Variants in ITPRID1 observed in about 807,000 individuals in gnomAD.
ITPRID1 encodes the protein ITPR interacting domain containing 1, also known as protein ITPRID1.
Under a neutral mutation model 95.4 loss-of-function variants are expected in ITPRID1, and 96 were observed. That is an observed-to-expected ratio of 1.01 (90% CI 0.85 to 1.19). The LOEUF (loss-of-function observed/expected upper bound fraction) is 1.19, where lower values mean the gene tolerates loss of function less well. ITPRID1 is among the 50% of genes most tolerant of loss of function. The probability of loss-of-function intolerance (pLI) is 0.00; values close to 1 mark genes in which losing one functional copy is unlikely to be tolerated. For missense variants in ITPRID1, 1,339 were observed against 1,252.9 expected, an observed-to-expected ratio of 1.07 and a Z score of -1.04; for synonymous variants, 510 against 453.6, an observed-to-expected ratio of 1.12 and a Z score of -1.58.
Position 31,599,487 on chromosome 7 carries a change from A to G in ITPRID1, c.1228+16296A>G, listed in dbSNP as rs73095772. On this transcript the variant is annotated intron_variant, in intron 10 of 14. Coordinates refer to ENST00000615280, the MANE Select transcript of ITPRID1 (RefSeq NM_001257967.3). ...TAAACTCAGGACTTCTACTGTATCTATGTTTCCCCTTTTAAAAAATCTGAA... is the reference window on the plus strand; with the variant it reads ...TAAACTCAGGACTTCTACTGTATCTGTGTTTCCCCTTTTAAAAAATCTGAA... Among the ~76,000 whole-genome samples, 790 of 152,320 alleles carry G rather than the reference A, an allele frequency of 5.2e-3. 3 individuals are homozygous for G. Among genetic ancestry groups the G allele is most frequent in the Non-Finnish European group, 8.3e-3 (564 of 68,024 alleles).
intron 1 of ITPRID1, among the ~76,000 whole-genome samples, chr7:31,543,040 A>G (rs1469796848): frequency 2.6e-5 from 4 of 152,046 alleles, no homozygotes; most frequent in Non-Finnish European, 5.9e-5. Context: ...TCCAGTAGTT[A>G]TGTTTTTGTT....
At chr7:31,644,906 T>G (rs563276562) in intron 12 of ITPRID1, among the ~76,000 whole-genome samples, 37 of 152,358 alleles carry the variant, frequency 2.4e-4, no homozygotes, top group African/African-American at 8.4e-4. Context: ...TAGTGCCTAC[T>G]GAGTTACCTT....
chr7:31,573,541 AC>A (rs938709138), intron 7 of ITPRID1, among the ~76,000 whole-genome samples: 1 of 152,148 alleles, frequency 6.6e-6, no homozygotes, highest in African/African-American at 2.4e-5. Context: ...TTAGGAAGTC[AC>A]TGAAGTAAAA....
At chr7:31,632,682 A>T (rs2128195948) in intron 10 of ITPRID1, among the ~76,000 whole-genome samples, 1 of 152,264 alleles carries the variant, frequency 6.6e-6, no homozygotes, top group Admixed American at 6.5e-5. Flanking sequence ...ATCTAGCAGC[A>T]GGAAAAGAGC....
chr7:31,652,491 C>T, intron 14 of ITPRID1, 27 bp from the exon 15 acceptor site: 2 of 1,558,610 alleles, frequency 1.3e-6, no homozygotes, highest in South Asian at 1.2e-5. Context: ...GTGCTGTTTA[C>T]TCTTTTTCCT....
chr7:31,606,087 G>A (rs2128162204), intron 10 of ITPRID1, among the ~76,000 whole-genome samples: 2 of 152,278 alleles, frequency 1.3e-5, no homozygotes, highest in South Asian at 4.1e-4. Flanking sequence ...TCATTAAAAT[G>A]TATAGAGTTG....
chr7:31,544,115 A>G (rs2191335), intron 1 of ITPRID1, among the ~76,000 whole-genome samples: 5 of 152,092 alleles, frequency 3.3e-5, no homozygotes, highest in Admixed American at 3.3e-4. Context: ...TTTCAGCACA[A>G]TGTTGAAAAG....
intron 1 of ITPRID1, among the ~76,000 whole-genome samples, chr7:31,528,922 G>A (rs1783504481): frequency 6.6e-6 from 1 of 152,146 alleles, no homozygotes; most frequent in East Asian, 1.9e-4. Context: ...CATGTCTCAA[G>A]AAAAACATTA....
At chr7:31,581,156 A>G (rs1231545373) in intron 9 of ITPRID1, among the ~76,000 whole-genome samples, 1 of 152,102 alleles carries the variant, frequency 6.6e-6, no homozygotes, top group Non-Finnish European at 1.5e-5. Flanking sequence ...CATTTAAAAC[A>G]AGAGCCAATG....
At chr7:31,553,789 A>G (rs944816726) in intron 3 of ITPRID1, among the ~76,000 whole-genome samples, 1 of 152,178 alleles carries the variant, frequency 6.6e-6, no homozygotes, top group Non-Finnish European at 1.5e-5. Context: ...ACTATTTGAT[A>G]GGATAAAGTC....
rs990852455 is a variant in ITPRID1 at position 31,654,148 on chromosome 7, G to A, written c.*1319G>A. Among the ~76,000 whole-genome samples, 2 of 152,074 alleles carry A rather than the reference G, an allele frequency of 1.3e-5. No homozygotes were observed. The highest frequency in any genetic ancestry group is 4.8e-5 in the African/African-American group (2 of 41,428). On this transcript the variant is annotated 3_prime_UTR_variant, in exon 15 of 15. Transcript: ENST00000615280. ...ATAATGTTGCAAAGGGAGATGTGGA[G>A]TAAAACTGTACTGCATTCATCAGGG... is the stretch of plus-strand genomic sequence containing the variant.
intron 10 of ITPRID1, among the ~76,000 whole-genome samples, chr7:31,619,425 T>C (rs545454610): frequency 6.6e-6 from 1 of 152,228 alleles, no homozygotes; most frequent in Non-Finnish European, 1.5e-5. Context: ...CTATGTAACA[T>C]GTTCCTAACT....
At chr7:31,626,112 C>T (rs1296380706) in intron 10 of ITPRID1, among the ~76,000 whole-genome samples, 3 of 152,256 alleles carry the variant, frequency 2.0e-5, no homozygotes, top group African/African-American at 4.8e-5. Context: ...TTGGCAAAAA[C>T]ATGTTTTACC....
In ITPRID1 at chr7:31,643,861, C is replaced by A; in HGVS notation, c.2491C>A (p.His831Asn). ...SPGPEPSVCRHCLCSLTGHQE... is the reference protein window; with the variant it reads ...SPGPEPSVCRNCLCSLTGHQE... ...TGGCCCTGAACCCTCAGTCTGTAGGCACTGCCTGTGTTCACTAACTGGTCA... is the reference window on the plus strand; with the variant it reads ...TGGCCCTGAACCCTCAGTCTGTAGGAACTGCCTGTGTTCACTAACTGGTCA... Residue 831 changes from histidine to asparagine, a missense_variant, in exon 12 of 15, where the codon CAC becomes AAC. His to Asn is a moderately conservative substitution (Grantham distance 68). Transcript: ENST00000615280. 6.2e-7 allele frequency: 1 copy of A among 1,613,940 alleles called. No homozygotes were observed. Among genetic ancestry groups the A allele is most frequent in the Non-Finnish European group, 8.5e-7 (1 of 1,179,894 alleles).
intron 1 of ITPRID1, among the ~76,000 whole-genome samples, chr7:31,535,725 T>C (rs1369253513): frequency 6.6e-6 from 1 of 152,090 alleles, no homozygotes; most frequent in African/African-American, 2.4e-5. Flanking sequence ...TGAAGAATAT[T>C]TTAACTGGCT....
intron 3 of ITPRID1, among the ~76,000 whole-genome samples, chr7:31,554,122 A>G (rs934396791): frequency 5.3e-5 from 8 of 152,210 alleles, no homozygotes; most frequent in African/African-American, 1.7e-4. Context: ...ATATCCAACA[A>G]GAGAAAGACA....
At chr7:31,567,133 C>T (rs1784827984) in intron 5 of ITPRID1, among the ~76,000 whole-genome samples, 1 of 152,136 alleles carries the variant, frequency 6.6e-6, no homozygotes, top group Admixed American at 6.5e-5. Flanking sequence ...AAGTTTGAGT[C>T]AAATATTCTA....
intron 10 of ITPRID1, among the ~76,000 whole-genome samples, chr7:31,587,139 G>A (rs1270143992): frequency 4.6e-5 from 7 of 152,070 alleles, no homozygotes; most frequent in Non-Finnish European, 7.3e-5. Flanking sequence ...TTCTGGCCAG[G>A]GCAATTAGGC....
chr7:31,539,244 G>A (rs1330971090), intron 1 of ITPRID1, among the ~76,000 whole-genome samples: 1 of 152,086 alleles, frequency 6.6e-6, no homozygotes, highest in Non-Finnish European at 1.5e-5. Context: ...GAGTGCAGTG[G>A]TGCCATCTTG....
Sources: gnomAD v4.1 joint callset for allele counts (sites outside exome capture counted in the v4.1 genomes callset) on GRCh38, gnomAD v4.1.1 for gene constraint, MANE v1.5 for transcripts, NCBI Gene and HGNC (gene_info 2026-07-23, HGNC 2026-07-21) for gene names.